The following ALCAM variants were observed in gnomAD, a reference collection of about 807,000 sequenced individuals.
ALCAM encodes the protein CD166 antigen.
In ALCAM, 30 loss-of-function variants were observed where a neutral mutation model predicts 70.9. The observed-to-expected ratio is 0.42, with a 90% CI of 0.32 to 0.57. ALCAM has a LOEUF of 0.57. Among genes scored for constraint, ALCAM ranks in the 20% least tolerant of loss-of-function variants. The probability of loss-of-function intolerance (pLI) is 0.11; values close to 1 mark genes in which losing one functional copy is unlikely to be tolerated. For missense variants in ALCAM, 591 were observed against 695.1 expected (o/e 0.85, Z 1.68); for synonymous variants, 249 against 242.5 (o/e 1.03, Z -0.25).
chr3:105,553,516 C>T (rs1280339579), intron 14 of ALCAM, among the ~76,000 whole-genome samples: 1 of 151,668 alleles, frequency 6.6e-6, no homozygotes, highest in Non-Finnish European at 1.5e-5. Flanking sequence ...TGATATGTCC[C>T]CTTTAAAAAA....
rs1939495734 is a variant in ALCAM at position 105,520,104 on chromosome 3, T to C, written c.111T>C (p.Asp37=). 6.2e-7 allele frequency: 1 copy of C among 1,613,228 alleles called. No homozygotes were observed. ...GWYTVNSAYG[D]TIIIPCRLDV... ...ATACTGTAAATTCAGCATATGGAGA[T>C]ACCATTATCATACCTTGCCGACTTG... Residue 37 remains aspartate (D), a synonymous_variant, in exon 2 of 16, where the codon GAT becomes GAC. Coordinates refer to ENST00000306107, the MANE Select transcript of ALCAM (RefSeq NM_001627.4).
At chr3:105,514,074 A>C (rs1344887691) in intron 1 of ALCAM, among the ~76,000 whole-genome samples, 7 of 151,886 alleles carry the variant, frequency 4.6e-5, no homozygotes, top group Non-Finnish European at 8.8e-5. Flanking sequence ...AGCTTTTACC[A>C]ATATCCTCAA....
intron 1 of ALCAM, among the ~76,000 whole-genome samples, chr3:105,477,324 C>G (rs754819980): frequency 1.3e-5 from 2 of 151,966 alleles, no homozygotes; most frequent in African/African-American, 4.8e-5. Context: ...TTTAGCATTT[C>G]TAGTAATATA....
rs1576212456 is a variant in ALCAM, at chr3:105,512,602, T to A, written c.74-7465T>A. On this transcript the variant is annotated intron_variant, in intron 1 of 15. Transcript: ENST00000306107. Reference sequence around the variant, plus strand: ...AGCCTGAATTAATATAACTAATATTTCAAATATAAGTTTCTACATCTCCAG... The same window carrying A: ...AGCCTGAATTAATATAACTAATATTACAAATATAAGTTTCTACATCTCCAG... Among the ~76,000 whole-genome samples, 9 of 152,026 alleles carry A rather than the reference T, an allele frequency of 5.9e-5. 1 individual carries two copies. The South Asian group carries it at 1.9e-3, about 32-fold the overall frequency.
intron 1 of ALCAM, among the ~76,000 whole-genome samples, chr3:105,500,723 T>C (rs767723702): frequency 2.6e-5 from 4 of 152,250 alleles, no homozygotes; most frequent in Non-Finnish European, 5.9e-5. Context: ...CTTTAAATTC[T>C]CTGGTCCTTA....
intron 1 of ALCAM, among the ~76,000 whole-genome samples, chr3:105,422,377 C>T (rs1433477560): frequency 6.6e-6 from 1 of 151,384 alleles, no homozygotes; most frequent in African/African-American, 2.4e-5. Context: ...AACATTATTT[C>T]CAGTGGTACT....
At chr3:105,444,507 T>C (rs1037521763) in intron 1 of ALCAM, among the ~76,000 whole-genome samples, 25 of 152,210 alleles carry the variant, frequency 1.6e-4, no homozygotes, top group Admixed American at 1.6e-3. Context: ...ATTATGGGGA[T>C]TACAATTTGC....
At chr3:105,396,835 C>T (rs1935963795) in intron 1 of ALCAM, among the ~76,000 whole-genome samples, 1 of 151,860 alleles carries the variant, frequency 6.6e-6, no homozygotes, top group African/African-American at 2.4e-5. Flanking sequence ...TTTTATAGTT[C>T]CTTTGTTAAA....
At chr3:105,559,166 GTATA>G (rs906061038) in intron 14 of ALCAM, among the ~76,000 whole-genome samples, 2 of 147,124 alleles carry the variant, frequency 1.4e-5, no homozygotes, top group Admixed American at 6.8e-5. Flanking sequence ...TAAAATAAAT[GTATA>G]TATATTATAT....
intron 1 of ALCAM, among the ~76,000 whole-genome samples, chr3:105,470,422 A>T (rs1466575306): frequency 6.6e-6 from 1 of 151,252 alleles, no homozygotes; most frequent in African/African-American, 2.4e-5. Flanking sequence ...GTGTCAAGCA[A>T]TGGCTTAATT....
intron 14 of ALCAM, among the ~76,000 whole-genome samples, chr3:105,555,698 C>T (rs1940499751): frequency 6.6e-6 from 1 of 151,918 alleles, no homozygotes; most frequent in South Asian, 2.1e-4. Context: ...GCTATTTAGC[C>T]AGCATTCACT....
At chr3:105,383,981 T>C (rs909040113) in intron 1 of ALCAM, among the ~76,000 whole-genome samples, 5 of 151,650 alleles carry the variant, frequency 3.3e-5, no homozygotes, top group African/African-American at 7.3e-5. Flanking sequence ...AAAGACTTCA[T>C]AAGCAGATTG....
chr3:105,489,461 T>G (rs146493400), intron 1 of ALCAM, among the ~76,000 whole-genome samples: 95 of 152,268 alleles, frequency 6.2e-4, no homozygotes, highest in African/African-American at 2.2e-3. Flanking sequence ...CAGAACTAGT[T>G]TTGTATGAGC....
intron 1 of ALCAM, among the ~76,000 whole-genome samples, chr3:105,496,641 T>C (rs575074564): frequency 7.9e-5 from 12 of 152,306 alleles, no homozygotes; most frequent in South Asian, 4.1e-4. Flanking sequence ...ACTGGTTCTC[T>C]GCAAGGTCTT....
At chr3:105,413,298 G>T (rs890891167) in intron 1 of ALCAM, among the ~76,000 whole-genome samples, 6 of 152,106 alleles carry the variant, frequency 3.9e-5, no homozygotes, top group Non-Finnish European at 7.4e-5. Context: ...TATTATATAT[G>T]ATTTAAAATG....
intron 5 of ALCAM, 76 bp downstream of exon 5, chr3:105,533,766 A>G: frequency 7.2e-7 from 1 of 1,395,440 alleles, no homozygotes; most frequent in Non-Finnish European, 1.0e-6. Flanking sequence ...GGTATTCTTT[A>G]AACCAGTGGT....
At position 105,523,139 on chromosome 3, in the gene ALCAM, CAAAAAAAAAAAA is replaced by C. The variant is rs59478384; in HGVS notation, c.175-1134_175-1123del. ...TGGGCGACAGAGCGAGACTCCGTCT[CAAAAAAAAAAAA>C]AAAAAAAAAAAAAAAGAAAGCCCAA... On this transcript the variant is annotated intron_variant, in intron 2 of 15. Coordinates refer to ENST00000306107, the MANE Select transcript of ALCAM (RefSeq NM_001627.4). Among the ~76,000 whole-genome samples the C allele has an allele frequency of 1.7e-4, 15 of 87,016 alleles. No individual in the cohort carries two copies. The East Asian group carries it at 4.6e-3, about 27-fold the overall frequency. 57.1% of individuals were successfully genotyped at this position (87,016 alleles called of 152,430 possible).
At chr3:105,439,715 G>A (rs1045192164) in intron 1 of ALCAM, among the ~76,000 whole-genome samples, 5 of 152,154 alleles carry the variant, frequency 3.3e-5, no homozygotes, top group Admixed American at 6.6e-5. Flanking sequence ...CAGGATACAC[G>A]TATTCAGAGA....
intron 1 of ALCAM, among the ~76,000 whole-genome samples, chr3:105,454,509 G>C (rs1331782938): frequency 6.6e-6 from 1 of 152,046 alleles, no homozygotes; most frequent in Non-Finnish European, 1.5e-5. Context: ...GTAGATCACA[G>C]TTTTAGGAAG....
Sources: gnomAD v4.1 joint callset for allele counts (sites outside exome capture counted in the v4.1 genomes callset) on GRCh38, gnomAD v4.1.1 for gene constraint, MANE v1.5 for transcripts, NCBI Gene and HGNC (gene_info 2026-07-23, HGNC 2026-07-21) for gene names.